SEMA4B: variants seen among roughly 807,000 people sequenced by gnomAD.
SEMA4B encodes semaphorin 4B.
Under a neutral mutation model 88.1 loss-of-function variants are expected in SEMA4B, and 55 were observed. That is an observed-to-expected ratio of 0.62 (90% CI 0.50 to 0.78). The LOEUF (loss-of-function observed/expected upper bound fraction) is 0.78, where lower values mean the gene tolerates loss of function less well. Among genes scored for constraint, SEMA4B ranks in the 30% least tolerant of loss-of-function variants. The probability of loss-of-function intolerance (pLI) is 0.00; values close to 1 mark genes in which losing one functional copy is unlikely to be tolerated. For synonymous variants in SEMA4B, 525 were observed against 473.6 expected (o/e 1.11, Z -1.41); for missense variants, 1,062 against 1,111.9 (o/e 0.96, Z 0.64).
In SEMA4B at chr15:90,228,482, C is replaced by T. The variant is rs889848793; in HGVS notation, c.2353C>T (p.Arg785Ter). The T allele has an allele frequency of 1.6e-5, 26 of 1,610,070 alleles. No individual in the cohort carries two copies. Among genetic ancestry groups the T allele is most frequent in the Non-Finnish European group, 2.2e-5 (26 of 1,178,902 alleles). Residue 785 changes from arginine to a stop codon, truncating the protein, a stop_gained, in exon 14 of 14, where the codon CGA becomes TGA. Coordinates refer to ENST00000411539, the MANE Select transcript of SEMA4B (RefSeq NM_198925.4). LOFTEE classifies it high-confidence loss of function. ...LGPPSTPLDH[R>*]GYQSLSDSPP... ...GCCCCCTAGCACCCCGCTCGATCACCGAGGGTACCAGTCCCTGTCAGACAG... is the reference window on the plus strand; with the variant it reads ...GCCCCCTAGCACCCCGCTCGATCACTGAGGGTACCAGTCCCTGTCAGACAG...
intron 4 of SEMA4B, among the ~76,000 whole-genome samples, 197 bp from the exon 5 acceptor site, chr15:90,220,785 G>T (rs1961786393): frequency 1.3e-5 from 2 of 152,176 alleles, no homozygotes; most frequent in Non-Finnish European, 2.9e-5. Flanking sequence ...CTCTCCTGAG[G>T]CCGACTGTCC....
At chr15:90,188,523 G>A (rs1960243955) in intron 1 of SEMA4B, among the ~76,000 whole-genome samples, 2 of 151,950 alleles carry the variant, frequency 1.3e-5, no homozygotes, top group South Asian at 4.2e-4. Context: ...AGCTACCCGG[G>A]AGGCTGAAGC....
At chr15:90,216,278 A>G (rs1163482758) in intron 1 of SEMA4B, among the ~76,000 whole-genome samples, 1 of 152,062 alleles carries the variant, frequency 6.6e-6, no homozygotes, top group African/African-American at 2.4e-5. Flanking sequence ...CATTTCCTCC[A>G]TATTTTTAAG....
At chr15:90,205,680 A>C (rs1055369245) in intron 1 of SEMA4B, among the ~76,000 whole-genome samples, 12 of 152,236 alleles carry the variant, frequency 7.9e-5, no homozygotes, top group African/African-American at 2.9e-4. Context: ...GTGTGCTAGA[A>C]ACCCCCTGCC....
At chr15:90,217,645 C>T in intron 2 of SEMA4B, 43 bp downstream of exon 2, 1 of 1,609,092 alleles carries the variant, frequency 6.2e-7, no homozygotes, top group East Asian at 2.2e-5. Flanking sequence ...GGCAGAGGAC[C>T]ACAGAGGGAA....
intron 1 of SEMA4B, among the ~76,000 whole-genome samples, chr15:90,187,786 C>G (rs1205250331): frequency 1.3e-5 from 2 of 152,070 alleles, no homozygotes; most frequent in African/African-American, 4.8e-5. Context: ...GCAGGCAGAT[C>G]ACGAGGTCAG....
Position 90,229,356 on chromosome 15 carries a change from G to A in SEMA4B, c.*713G>A, listed in dbSNP as rs184377382. Reference sequence around the variant, plus strand: ...CAGGAGAGATTTCGTGACAATGTACGCCTTTCCCTCAGAATTCAGGGAAGA... The same window carrying A: ...CAGGAGAGATTTCGTGACAATGTACACCTTTCCCTCAGAATTCAGGGAAGA... On this transcript the variant is annotated 3_prime_UTR_variant, in exon 14 of 14. Transcript: ENST00000411539. 4.8e-4 allele frequency: 218 copies of A among 456,824 alleles called. No individual in the cohort carries two copies. Among genetic ancestry groups the A allele is most frequent in the African/African-American group, 1.7e-3 (84 of 50,180 alleles). 28.3% of individuals were successfully genotyped at this position (456,824 alleles called of 1,614,324 possible). A position where few individuals can be genotyped will look rare whatever the true frequency, so the allele number is the denominator to read the frequency against.
intron 1 of SEMA4B, among the ~76,000 whole-genome samples, chr15:90,204,252 CT>C (rs1424144246): frequency 6.6e-6 from 1 of 152,208 alleles, no homozygotes; most frequent in Admixed American, 6.5e-5. Context: ...ACACACCCCT[CT>C]TTCCTCCTGC....
At chr15:90,213,740 C>T (rs536553267) in intron 1 of SEMA4B, among the ~76,000 whole-genome samples, 2 of 152,342 alleles carry the variant, frequency 1.3e-5, no homozygotes, top group South Asian at 2.1e-4. Context: ...GGTAGATAAG[C>T]ACGGGCAACC....
intron 1 of SEMA4B, among the ~76,000 whole-genome samples, chr15:90,190,997 C>T (rs557351566): frequency 6.6e-6 from 1 of 152,286 alleles, no homozygotes; most frequent in South Asian, 2.1e-4. Context: ...CATCTGGTCT[C>T]CCCTGGACAG....
At chr15:90,201,828 AG>A in intron 1 of SEMA4B, 93 bp downstream of exon 1, 1 of 1,249,872 alleles carries the variant, frequency 8.0e-7, no homozygotes, top group Non-Finnish European at 1.0e-6. Flanking sequence ...AGGACCAAGG[AG>A]GGGACCTGTC....
At chr15:90,215,057 A>T in intron 1 of SEMA4B, 1 of 1,177,954 alleles carries the variant, frequency 8.5e-7, no homozygotes, top group South Asian at 1.5e-5. Flanking sequence ...GTGTGGTCAT[A>T]ACCCACTGGT....
At chr15:90,185,581 C>T (rs1380824883) in intron 1 of SEMA4B, among the ~76,000 whole-genome samples, 1 of 152,174 alleles carries the variant, frequency 6.6e-6, no homozygotes, top group East Asian at 1.9e-4. Context: ...TTATTCTGGT[C>T]TAGCAGAAAG....
chr15:90,208,693 C>T (rs1338884660), intron 1 of SEMA4B, among the ~76,000 whole-genome samples: 1 of 152,142 alleles, frequency 6.6e-6, no homozygotes, highest in Admixed American at 6.6e-5. Context: ...TCTTGTCTCC[C>T]TACCATACTT....
chr15:90,206,491 TG>T, intron 1 of SEMA4B: 1 of 307,802 alleles, frequency 3.2e-6, no homozygotes, highest in East Asian at 6.4e-5. Flanking sequence ...GCTCTTTCCC[TG>T]CTGCCACCAA....
chr15:90,228,951 A>C lies in SEMA4B; in HGVS notation c.*308A>C. 5 of 471,366 alleles carry C rather than the reference A, an allele frequency of 1.1e-5. No homozygotes were observed. Among genetic ancestry groups the C allele is most frequent in the African/African-American group, 2.0e-5 (1 of 50,762 alleles). The allele number at this position is 471,366 out of a possible 1,614,324, so 29.2% of individuals were successfully genotyped here. ...AAACAATTCCAAATGTGAAACTAGA[A>C]TGAGAGGGAAGAGATAGCATGGCAT... On this transcript the variant is annotated 3_prime_UTR_variant, in exon 14 of 14. Transcript: ENST00000411539.
chr15:90,224,069 G>C (rs1420079429), intron 9 of SEMA4B, 81 bp downstream of exon 9: 1 of 1,378,916 alleles, frequency 7.3e-7, no homozygotes, highest in Non-Finnish European at 9.8e-7. Flanking sequence ...AGGCTGCCTA[G>C]CCTCGGGCAG....
intron 1 of SEMA4B, among the ~76,000 whole-genome samples, chr15:90,186,397 A>G (rs1342480265): frequency 6.6e-6 from 1 of 151,040 alleles, no homozygotes; most frequent in Non-Finnish European, 1.5e-5. Context: ...AGGCAGGCGG[A>G]TCACCTGAGC....
In SEMA4B at chr15:90,186,088, C is replaced by T. The variant is rs374804048; in HGVS notation, c.-122+1007C>T. ...AGCTGGGACTACAGGCGTGTGCCAC[C>T]ATGCCAAGCTAATTTTTGTATTTTT... is the stretch of plus-strand genomic sequence containing the variant. On this transcript the variant is annotated intron_variant, in intron 1 of 14. Transcript: ENST00000332496. Among the ~76,000 whole-genome samples the T allele has an allele frequency of 9.1e-4, 139 of 151,982 alleles. 4 individuals are homozygous for T. The South Asian group carries it at 0.029, about 31-fold the overall frequency.
Sources: gnomAD v4.1 joint callset for allele counts (sites outside exome capture counted in the v4.1 genomes callset) on GRCh38, gnomAD v4.1.1 for gene constraint, MANE v1.5 for transcripts, NCBI Gene and HGNC (gene_info 2026-07-23, HGNC 2026-07-21) for gene names.